Variants in CBLIF observed in about 807,000 individuals in gnomAD.
CBLIF encodes gastric intrinsic factor (vitamin B synthesis).
CBLIF carries 24 observed loss-of-function variants against 44.9 expected under a neutral mutation model. The observed-to-expected ratio is 0.53, with a 90% confidence interval of 0.39 to 0.75. The LOEUF is 0.75. Ranked by LOEUF, CBLIF falls within the 30% of genes least tolerant of loss-of-function variation. The pLI is 0.00. For missense variants in CBLIF, 481 were observed against 513.0 expected, an observed-to-expected ratio of 0.94 and a Z score of 0.60; for synonymous variants, 183 against 190.9, an observed-to-expected ratio of 0.96 and a Z score of 0.34.
chr11:59,842,420 C>T (rs772256909), intron 4 of CBLIF, 23 bp downstream of exon 4: 11 of 1,612,640 alleles, frequency 6.8e-6, no homozygotes, highest in Admixed American at 3.3e-5. Flanking sequence ...GTTCCCAGCT[C>T]GGGGTAGTGG....
chr11:59,830,127 A>G (rs975779414), intron 8 of CBLIF, among the ~76,000 whole-genome samples: 3 of 152,220 alleles, frequency 2.0e-5, no homozygotes, highest in East Asian at 3.8e-4. Context: ...TTCAGGCCCA[A>G]ATATTTTTGT....
At chr11:59,840,930 T>C (rs1197890651) in intron 5 of CBLIF, 10 of 550,792 alleles carry the variant, frequency 1.8e-5, no homozygotes, top group Non-Finnish European at 3.2e-5. Flanking sequence ...TTCATATAGA[T>C]TTGTTTTCAC....
At chr11:59,833,039 T>TA (rs1437307785) in intron 7 of CBLIF, among the ~76,000 whole-genome samples, 1 of 152,194 alleles carries the variant, frequency 6.6e-6, no homozygotes, top group Non-Finnish European at 1.5e-5. Context: ...ACAAAAGTTA[T>TA]AAAAAATATT....
chr11:59,843,739 A>G (rs1866569615), intron 2 of CBLIF, 140 bp downstream of exon 2: 3 of 720,586 alleles, frequency 4.2e-6, no homozygotes, highest in Non-Finnish European at 7.5e-6. Context: ...GGTACCTTCC[A>G]GGTATGTAAG....
intron 1 of CBLIF, among the ~76,000 whole-genome samples, chr11:59,844,935 C>A (rs2135097889): frequency 6.6e-6 from 1 of 152,260 alleles, no homozygotes; most frequent in South Asian, 2.1e-4. Flanking sequence ...GCAGCCTCGA[C>A]CTCCTGGGCT....
chr11:59,837,678 C>A (rs1030815837), intron 5 of CBLIF, among the ~76,000 whole-genome samples: 2 of 152,154 alleles, frequency 1.3e-5, no homozygotes, highest in African/African-American at 4.8e-5. Flanking sequence ...TAGCCTAGGA[C>A]AGTCTAGCCA....
At chr11:59,837,409 T>C in intron 5 of CBLIF, 58 bp from the exon 6 acceptor site, 1 of 1,232,502 alleles carries the variant, frequency 8.1e-7, no homozygotes, top group Non-Finnish European at 1.2e-6. Flanking sequence ...GAGAGTTGGC[T>C]CTTACATGTC....
At chr11:59,843,172 G>T in intron 2 of CBLIF, 31 bp from the exon 3 acceptor site, 1 of 1,344,178 alleles carries the variant, frequency 7.4e-7, no homozygotes, top group Non-Finnish European at 1.1e-6. Context: ...CGGTTAGACA[G>T]AGACATCCTC....
At chr11:59,842,057 G>A (rs1866538574) in intron 4 of CBLIF, among the ~76,000 whole-genome samples, 1 of 152,132 alleles carries the variant, frequency 6.6e-6, no homozygotes, top group Non-Finnish European at 1.5e-5. Flanking sequence ...GAGAAGCATC[G>A]AAAAGAATGG....
chr11:59,838,413 G>A (rs1428800355), intron 5 of CBLIF, among the ~76,000 whole-genome samples: 1 of 152,130 alleles, frequency 6.6e-6, no homozygotes, highest in Non-Finnish European at 1.5e-5. Flanking sequence ...CCTTTACAGT[G>A]CGATTATGGC....
Position 59,841,292 on chromosome 11 carries a change from A to C in CBLIF, c.544T>G (p.Cys182Gly). The C allele has an allele frequency of 3.1e-6, 5 of 1,613,956 alleles. No individual in the cohort carries two copies. The highest frequency in any genetic ancestry group is 1.3e-5 in the African/African-American group (1 of 75,054). ...CCTACAGGGATCTTGTTGTACATAC[A>C]GGTCAGAGCCAAGGTTGCCATTGCT... ...TGAMATLALTCMYNKIPVGSE... is the reference protein window; with the variant it reads ...TGAMATLALTGMYNKIPVGSE... The change falls in exon 5 of 9, where the codon TGT (cysteine) becomes GGT (glycine). Residue 182 changes from cysteine (C) to glycine (G), a missense_variant. Cys to Gly is a radical substitution (Grantham distance 159). Coordinates refer to ENST00000257248, the MANE Select transcript of CBLIF (RefSeq NM_005142.3).
rs150176469 is a variant in CBLIF, at chr11:59,830,997, G to A, written c.1192+681C>T. Among the ~76,000 whole-genome samples, 251 of 152,266 alleles carry A rather than the reference G, an allele frequency of 1.6e-3. 1 individual carries two copies. The highest frequency in any genetic ancestry group is 5.8e-3 in the African/African-American group (239 of 41,552). Reference sequence around the variant, plus strand: ...AATGAAGCATCTTTACCAACCTATAGCCTTGGCTGTACTGTGACTTTATTT... The same window carrying A: ...AATGAAGCATCTTTACCAACCTATAACCTTGGCTGTACTGTGACTTTATTT... On this transcript the variant is annotated intron_variant, in intron 8 of 8. Transcript: ENST00000257248.
chr11:59,837,674 A>AG (rs1483821837), intron 5 of CBLIF, among the ~76,000 whole-genome samples: 1 of 152,212 alleles, frequency 6.6e-6, no homozygotes, highest in East Asian at 1.9e-4. Flanking sequence ...GCTTTAGCCT[A>AG]GGACAGTCTA....
At chr11:59,838,392 C>T (rs1181251173) in intron 5 of CBLIF, among the ~76,000 whole-genome samples, 1 of 152,142 alleles carries the variant, frequency 6.6e-6, no homozygotes, top group Non-Finnish European at 1.5e-5. Context: ...GCTGTCATTA[C>T]CACCTCCCTT....
rs753383040 is a variant in CBLIF, at chr11:59,831,785, G to A, written c.1085C>T (p.Thr362Ile). 10 of 1,580,322 alleles carry A rather than the reference G, an allele frequency of 6.3e-6. No homozygotes were observed. Among genetic ancestry groups the A allele is most frequent in the Non-Finnish European group, 8.7e-6 (10 of 1,149,398 alleles). ...GACGACAAGGCCCCAAGATGTCATT[G>A]TGGTTTCAAATCTAAAAAAAAGTTT... ...RKNPMFKFET[T>I]MTSWGLVVSS... Residue 362 changes from threonine to isoleucine, a missense_variant, in exon 8 of 9, where the codon ACA (threonine) becomes ATA (isoleucine). Physicochemically the swap from Thr to Ile is moderately conservative, Grantham distance 89. Coordinates refer to ENST00000257248, the MANE Select transcript of CBLIF (RefSeq NM_005142.3).
At chr11:59,841,830 C>T (rs1397743262) in intron 4 of CBLIF, among the ~76,000 whole-genome samples, 2 of 152,090 alleles carry the variant, frequency 1.3e-5, no homozygotes, top group African/African-American at 2.4e-5. Context: ...TGAATGCGGG[C>T]TGTGACAGTG....
intron 4 of CBLIF, among the ~76,000 whole-genome samples, chr11:59,841,906 A>G (rs1287790972): frequency 1.3e-5 from 2 of 152,142 alleles, no homozygotes; most frequent in Admixed American, 6.5e-5. Context: ...TTGTAGAGGG[A>G]AAAGCTTCTA....
At chr11:59,837,131 A>G (rs1253621027) in intron 6 of CBLIF, 43 bp downstream of exon 6, 10 of 1,449,946 alleles carry the variant, frequency 6.9e-6, no homozygotes, top group Non-Finnish European at 9.7e-6. Flanking sequence ...CATTTCTGGC[A>G]TAAGTTGCTG....
At chr11:59,831,192 C>T (rs1178533909) in intron 8 of CBLIF, among the ~76,000 whole-genome samples, 9 of 152,158 alleles carry the variant, frequency 5.9e-5, no homozygotes, top group Admixed American at 5.9e-4. Flanking sequence ...TTATTCTTCC[C>T]ACTTTCTCCT....
Sources: allele counts gnomAD v4.1 joint callset (sites outside exome capture counted in the v4.1 genomes callset), GRCh38; gene constraint gnomAD v4.1.1; transcripts MANE v1.5; gene names NCBI Gene and HGNC (gene_info 2026-07-23, HGNC 2026-07-21).